DPYD: variants seen among roughly 807,000 people sequenced by gnomAD.
DPYD encodes dihydropyrimidine dehydrogenase, also known as dihydropyrimidine dehydrogenase [NADP(+)].
Under a neutral mutation model 116.2 loss-of-function variants are expected in DPYD, and 109 were observed. The observed-to-expected ratio is 0.94, with a 90% confidence interval of 0.80 to 1.10. The LOEUF is 1.10. Among genes scored for constraint, DPYD ranks in the 50% least tolerant of loss-of-function variants. DPYD has a pLI of 0.00. For missense variants in DPYD, 1,302 were observed against 1,254.5 expected (o/e 1.04, Z -0.57); for synonymous variants, 440 against 432.0 (o/e 1.02, Z -0.23).
At chr1:97,448,823 C>T (rs1676235128) in intron 14 of DPYD, among the ~76,000 whole-genome samples, 1 of 152,034 alleles carries the variant, frequency 6.6e-6, no homozygotes, top group Non-Finnish European at 1.5e-5. Context: ...TAGTTCCCTT[C>T]ACATCCAAAC....
chr1:97,463,881 G>C (rs1360949959), intron 13 of DPYD, among the ~76,000 whole-genome samples: 1 of 152,142 alleles, frequency 6.6e-6, no homozygotes, highest in African/African-American at 2.4e-5. Context: ...GCATTCAAGA[G>C]GTGACTTGGG....
At chr1:97,686,813 C>T (rs939228361) in intron 7 of DPYD, among the ~76,000 whole-genome samples, 2 of 151,854 alleles carry the variant, frequency 1.3e-5, no homozygotes, top group African/African-American at 4.8e-5. Context: ...TTTAATTAAA[C>T]AAAAGAGCTT....
intron 3 of DPYD, among the ~76,000 whole-genome samples, chr1:97,827,351 A>T (rs1440565905): frequency 6.6e-6 from 1 of 152,068 alleles, no homozygotes; most frequent in African/African-American, 2.4e-5. Context: ...AAATTATGCT[A>T]CTCAAATATT....
chr1:97,883,247 G>GT lies in DPYD; in HGVS notation c.150+16dup, dbSNP rs1394364784. 7.2e-6 allele frequency: 11 copies of GT among 1,532,914 alleles called. No individual in the cohort carries two copies. The highest frequency in any genetic ancestry group is 9.9e-6 in the Non-Finnish European group (11 of 1,106,968). The allele number at this position is 1,532,914 out of a possible 1,614,324, so 95.0% of individuals were successfully genotyped here. A position where few individuals can be genotyped will look rare whatever the true frequency, so the allele number is the denominator to read the frequency against. On this transcript the variant is annotated intron_variant, in intron 2 of 22. Coordinates refer to ENST00000370192, the MANE Select transcript of DPYD (RefSeq NM_000110.4). The stretch of plus-strand genomic sequence containing the variant: ...GAGGTAATTTTCAGCATGAAATAGT[G>GT]TATCAGTGGTACTTACAAAGCAGTT...
intron 5 of DPYD, among the ~76,000 whole-genome samples, chr1:97,716,503 G>A (rs1364999906): frequency 6.6e-6 from 1 of 152,016 alleles, no homozygotes; most frequent in East Asian, 1.9e-4. Context: ...TGATCTTACT[G>A]TATAAAATCA....
chr1:97,654,308 G>A (rs1658768174), intron 8 of DPYD, among the ~76,000 whole-genome samples: 1 of 152,108 alleles, frequency 6.6e-6, no homozygotes, highest in South Asian at 2.1e-4. Flanking sequence ...AATATCTGAT[G>A]AAAGAAAGCT....
In DPYD at chr1:97,488,075, T is replaced by C. The variant is rs185227246; in HGVS notation, c.1740+27651A>G. ...GCAAATTGTGGTTATATACATAGCA[T>C]GGAATACAAGTCAGCAAAAAAAAAA... On this transcript the variant is annotated intron_variant, in intron 13 of 22. Transcript: ENST00000370192. 3.1e-3 allele frequency among the ~76,000 whole-genome samples: 470 copies of C among 151,942 alleles called. 2 individuals carry two copies. Among genetic ancestry groups the C allele is most frequent in the African/African-American group, 0.01 (424 of 41,418 alleles).
intron 8 of DPYD, among the ~76,000 whole-genome samples, chr1:97,602,184 CTT>C (rs1316877875): frequency 6.6e-6 from 1 of 151,880 alleles, no homozygotes; most frequent in South Asian, 2.1e-4. Flanking sequence ...CTGAATTTCT[CTT>C]TGTATTTAAT....
At position 97,893,990 on chromosome 1, in the gene DPYD, G is replaced by A. The variant is rs185274671; in HGVS notation, c.40-10616C>T. Among the ~76,000 whole-genome samples the A allele has an allele frequency of 5.3e-5, 8 of 151,944 alleles. No homozygotes were observed. The East Asian group carries it at 1.6e-3, about 30-fold the overall frequency. On this transcript the variant is annotated intron_variant, in intron 1 of 22. Coordinates refer to ENST00000370192, the MANE Select transcript of DPYD (RefSeq NM_000110.4). ...CAGAACAGAGCATGCCAAAGGTAGT[G>A]ACTAATTCTGACATAGACAATTTAG...
chr1:97,636,076 C>T (rs947347629), intron 8 of DPYD, among the ~76,000 whole-genome samples: 1 of 152,052 alleles, frequency 6.6e-6, no homozygotes, highest in Non-Finnish European at 1.5e-5. Context: ...CCACCTTGGC[C>T]TCCCAAAGTG....
intron 8 of DPYD, among the ~76,000 whole-genome samples, chr1:97,663,346 G>C (rs946662933): frequency 6.6e-6 from 1 of 152,122 alleles, no homozygotes; most frequent in Admixed American, 6.5e-5. Flanking sequence ...CAAAAGAAGT[G>C]TTGAAAACAT....
chr1:97,483,208 T>C (rs1352823809), intron 13 of DPYD, among the ~76,000 whole-genome samples: 2 of 152,226 alleles, frequency 1.3e-5, no homozygotes, highest in East Asian at 1.9e-4. Context: ...GAAGGTATAC[T>C]GCATACCTCT....
chr1:97,335,765 A>C (rs1200171685), intron 16 of DPYD, among the ~76,000 whole-genome samples: 3 of 152,212 alleles, frequency 2.0e-5, no homozygotes, highest in African/African-American at 7.2e-5. Flanking sequence ...ATGGGAAAAG[A>C]AAATAGTACA....
chr1:97,837,952 T>A (rs986655262), intron 2 of DPYD, among the ~76,000 whole-genome samples: 1 of 152,162 alleles, frequency 6.6e-6, no homozygotes, highest in Admixed American at 6.5e-5. Context: ...AAGTTGCTTA[T>A]CATCTGATAC....
chr1:97,587,600 C>T lies in DPYD; in HGVS notation c.1128+5618G>A, dbSNP rs145257487. On this transcript the variant is annotated intron_variant, in intron 10 of 22. Coordinates refer to ENST00000370192, the MANE Select transcript of DPYD (RefSeq NM_000110.4). ...CCGCACTTTGGGAGGCCGAGGAGGGCGGATCACAAGGTCAGGAGATGGGGA... is the reference window on the plus strand; with the variant it reads ...CCGCACTTTGGGAGGCCGAGGAGGGTGGATCACAAGGTCAGGAGATGGGGA... 2.7e-3 allele frequency among the ~76,000 whole-genome samples: 405 copies of T among 152,016 alleles called. 1 individual carries two copies. The highest frequency in any genetic ancestry group is 5.1e-3 in the Non-Finnish European group (347 of 67,942).
intron 3 of DPYD, among the ~76,000 whole-genome samples, chr1:97,783,437 C>T (rs930968312): frequency 6.6e-6 from 1 of 152,114 alleles, no homozygotes; most frequent in African/African-American, 2.4e-5. Context: ...TGCTGTCACT[C>T]ATGATGGAGT....
chr1:97,751,965 G>T (rs1664954647), intron 3 of DPYD, among the ~76,000 whole-genome samples: 1 of 151,826 alleles, frequency 6.6e-6, no homozygotes, highest in Non-Finnish European at 1.5e-5. Context: ...CACCACGTTG[G>T]CCGGGCTGGT....
chr1:97,684,045 T>C (rs989268717), intron 7 of DPYD, among the ~76,000 whole-genome samples: 4 of 152,308 alleles, frequency 2.6e-5, no homozygotes, highest in Admixed American at 1.3e-4. Flanking sequence ...TAAGTTCCAC[T>C]CTGATCTTGC....
chr1:97,234,585 AC>A (rs1439812097), intron 19 of DPYD, among the ~76,000 whole-genome samples: 1 of 152,040 alleles, frequency 6.6e-6, no homozygotes, highest in African/African-American at 2.4e-5. Flanking sequence ...TCATTTTGGT[AC>A]CTGATCTTAT....
Sources: allele counts gnomAD v4.1 joint callset (sites outside exome capture counted in the v4.1 genomes callset), GRCh38; gene constraint gnomAD v4.1.1; transcripts MANE v1.5; gene names NCBI Gene and HGNC (gene_info 2026-07-23, HGNC 2026-07-21).